Variants in ZMAT4 observed in about 807,000 individuals in gnomAD.
ZMAT4 encodes the protein zinc finger matrin-type 4, also known as zinc finger matrin-type protein 4.
Under a neutral mutation model 28.7 loss-of-function variants are expected in ZMAT4, and 17 were observed. That is an observed-to-expected ratio of 0.59 (90% CI 0.41 to 0.89). ZMAT4 has a LOEUF of 0.89. Ranked by LOEUF, ZMAT4 falls within the 40% of genes least tolerant of loss-of-function variation. The probability of loss-of-function intolerance (pLI) is 0.00; values close to 1 mark genes in which losing one functional copy is unlikely to be tolerated. For synonymous variants in ZMAT4, 117 were observed against 109.2 expected (o/e 1.07, Z -0.44); for missense variants, 240 against 283.8 (o/e 0.85, Z 1.11).
chr8:40,711,624 T>C (rs1810628399), intron 3 of ZMAT4, among the ~76,000 whole-genome samples: 1 of 152,028 alleles, frequency 6.6e-6, no homozygotes, highest in Non-Finnish European at 1.5e-5. Flanking sequence ...AGGTAAATGG[T>C]AAAGAATAAA....
chr8:40,758,206 C>A (rs1812773663), intron 3 of ZMAT4, among the ~76,000 whole-genome samples: 2 of 152,128 alleles, frequency 1.3e-5, no homozygotes. Context: ...CCTATTAGTT[C>A]TGTCCCTCTA....
At chr8:40,840,223 A>C (rs981904091) in intron 1 of ZMAT4, among the ~76,000 whole-genome samples, 3 of 152,170 alleles carry the variant, frequency 2.0e-5, no homozygotes, top group African/African-American at 7.2e-5. Flanking sequence ...CATGCCCCCA[A>C]AATCACACTC....
At chr8:40,565,878 C>T (rs1403188361) in intron 6 of ZMAT4, among the ~76,000 whole-genome samples, 1 of 151,870 alleles carries the variant, frequency 6.6e-6, no homozygotes, top group Admixed American at 6.6e-5. Flanking sequence ...CTCCTGACAG[C>T]TGCTAATAGG....
intron 1 of ZMAT4, among the ~76,000 whole-genome samples, chr8:40,838,963 A>G (rs1274647897): frequency 6.6e-6 from 1 of 152,196 alleles, no homozygotes; most frequent in Admixed American, 6.5e-5. Context: ...ACCCTTTCAC[A>G]TTCCCAAATA....
intron 5 of ZMAT4, among the ~76,000 whole-genome samples, chr8:40,592,662 T>C (rs1804936883): frequency 6.6e-6 from 1 of 152,342 alleles, no homozygotes; most frequent in Middle Eastern, 3.4e-3. Flanking sequence ...TTTAGCCATA[T>C]TGGATGCCTG....
At chr8:40,885,282 C>T (rs1818414869) in intron 1 of ZMAT4, among the ~76,000 whole-genome samples, 1 of 152,124 alleles carries the variant, frequency 6.6e-6, no homozygotes, top group Non-Finnish European at 1.5e-5. Context: ...CATCCTCGAA[C>T]CCTCTAGTCT....
intron 5 of ZMAT4, among the ~76,000 whole-genome samples, chr8:40,654,643 A>C (rs1807835619): frequency 6.6e-6 from 1 of 152,188 alleles, no homozygotes; most frequent in African/African-American, 2.4e-5. Flanking sequence ...CAGGAATGCA[A>C]GGTTGGTTTA....
intron 5 of ZMAT4, among the ~76,000 whole-genome samples, chr8:40,626,025 G>A (rs989185586): frequency 7.3e-5 from 11 of 150,874 alleles, no homozygotes; most frequent in South Asian, 2.1e-4. Flanking sequence ...CAGGAGAATC[G>A]TTTGAACCCG....
At chr8:40,842,799 G>A (rs1426128795) in intron 1 of ZMAT4, among the ~76,000 whole-genome samples, 1 of 152,176 alleles carries the variant, frequency 6.6e-6, no homozygotes, top group Non-Finnish European at 1.5e-5. Flanking sequence ...TTTTAAGATG[G>A]AGTTTCACTC....
chr8:40,670,230 A>T (rs1808608985), intron 5 of ZMAT4, among the ~76,000 whole-genome samples: 1 of 152,224 alleles, frequency 6.6e-6, no homozygotes, highest in African/African-American at 2.4e-5. Context: ...TTGTCCAGAT[A>T]TAGGCTCACA....
chr8:40,701,268 T>A (rs1359100949), intron 3 of ZMAT4, among the ~76,000 whole-genome samples: 1 of 152,204 alleles, frequency 6.6e-6, no homozygotes, highest in Non-Finnish European at 1.5e-5. Context: ...CCAATTCTTA[T>A]ACAATAATGT....
At position 40,532,173 on chromosome 8, in the gene ZMAT4, C is replaced by A. The variant is rs367883917; in HGVS notation, c.*50G>T. 3 of 1,537,670 alleles carry A rather than the reference C, an allele frequency of 2.0e-6. No homozygotes were observed. Among genetic ancestry groups the A allele is most frequent in the Non-Finnish European group, 2.6e-6 (3 of 1,138,946 alleles). On this transcript the variant is annotated 3_prime_UTR_variant, in exon 7 of 7. Transcript: ENST00000297737. ...CTGGTGGTTGATAAGCAATTCTCCA[C>A]GGCAGAGAAATGCTAATGTTTTGTT...
At chr8:40,887,748 C>A (rs59141859) in intron 1 of ZMAT4, among the ~76,000 whole-genome samples, 34,945 of 151,994 alleles carry the variant, frequency 0.23, 4,936 homozygotes, top group East Asian at 0.41. Context: ...CCTCAACCCA[C>A]TTCCCCTGCC....
chr8:40,565,142 C>T (rs1803874168), intron 6 of ZMAT4, among the ~76,000 whole-genome samples: 1 of 152,134 alleles, frequency 6.6e-6, no homozygotes, highest in Non-Finnish European at 1.5e-5. Flanking sequence ...GTCATTTGCT[C>T]TTAACATAAG....
At chr8:40,631,707 T>C (rs952918223) in intron 5 of ZMAT4, among the ~76,000 whole-genome samples, 1 of 152,192 alleles carries the variant, frequency 6.6e-6, no homozygotes, top group African/African-American at 2.4e-5. Context: ...TCCACTCTCA[T>C]TTTGCAAAAC....
chr8:40,773,509 T>TA (rs113357836), intron 2 of ZMAT4, among the ~76,000 whole-genome samples: 121,464 of 149,846 alleles, frequency 0.81, 50,691 homozygotes, highest in Non-Finnish European at 0.94. Flanking sequence ...GTGGCATCTA[T>TA]AAAAAAAAAA....
intron 3 of ZMAT4, among the ~76,000 whole-genome samples, chr8:40,708,574 TCTCTC>T (rs1810465581): frequency 3.6e-5 from 1 of 28,076 alleles, no homozygotes; most frequent in Non-Finnish European, 5.9e-5. Flanking sequence ...ACACTCTTTC[TCTCTC>T]TCTCTCTCTC....
chr8:40,840,231 C>G (rs1305722135), intron 1 of ZMAT4, among the ~76,000 whole-genome samples: 1 of 152,188 alleles, frequency 6.6e-6, no homozygotes, highest in African/African-American at 2.4e-5. Flanking sequence ...CAAAATCACA[C>G]TCCTCCGGGG....
chr8:40,822,504 A>G (rs1293664398), intron 2 of ZMAT4, among the ~76,000 whole-genome samples: 2 of 152,238 alleles, frequency 1.3e-5, no homozygotes, highest in African/African-American at 4.8e-5. Context: ...AAGTCACTGC[A>G]GCAGGGAAGG....
Sources: allele counts gnomAD v4.1 joint callset (sites outside exome capture counted in the v4.1 genomes callset), GRCh38; gene constraint gnomAD v4.1.1; transcripts MANE v1.5; gene names NCBI Gene and HGNC (gene_info 2026-07-23, HGNC 2026-07-21).